Variants in SPIRE1 observed in about 807,000 individuals in gnomAD.
SPIRE1 encodes protein spire homolog 1.
In SPIRE1, 40 loss-of-function variants were observed where a neutral mutation model predicts 94.1. The observed-to-expected ratio is 0.43, with a 90% CI of 0.33 to 0.55. SPIRE1 has a LOEUF of 0.55. Among genes scored for constraint, SPIRE1 ranks in the 20% least tolerant of loss-of-function variants. SPIRE1 has a pLI of 0.06. For synonymous variants in SPIRE1, 376 were observed against 371.7 expected (o/e 1.01, Z -0.13); for missense variants, 838 against 975.2 (o/e 0.86, Z 1.87).
intron 2 of SPIRE1, among the ~76,000 whole-genome samples, chr18:12,617,510 A>C (rs2037346099): frequency 6.6e-6 from 1 of 152,052 alleles, no homozygotes; most frequent in Admixed American, 6.5e-5. Context: ...CCCCGGGTTC[A>C]AGTGATTCTC....
chr18:12,564,421 G>A (rs34737110), intron 2 of SPIRE1, among the ~76,000 whole-genome samples: 9,472 of 152,166 alleles, frequency 0.062, 416 homozygotes, highest in Non-Finnish European at 0.092. Context: ...TAAAACACAT[G>A]TATAAGGCAA....
chr18:12,549,436 G>GTTTTTTTTTTTTTTTTTTTTTTTTTT lies in SPIRE1; in HGVS notation c.373-2533_373-2532insAAAAAAAAAAAAAAAAAAAAAAAAAA, dbSNP rs1345452411. Among the ~76,000 whole-genome samples the GTTTTTTTTTTTTTTTTTTTTTTTTTT allele has an allele frequency of 4.6e-4, 24 of 51,918 alleles. 1 individual carries two copies. The highest frequency in any genetic ancestry group is 8.2e-4 in the Non-Finnish European group (22 of 26,824). 34.1% of individuals were successfully genotyped at this position (51,918 alleles called of 152,430 possible). A position where few individuals can be genotyped will look rare whatever the true frequency, so the allele number is the denominator to read the frequency against. On this transcript the variant is annotated intron_variant, in intron 2 of 16. Coordinates refer to ENST00000409402, the MANE Select transcript of SPIRE1 (RefSeq NM_001128626.2). ...TTGCTTTTTGTTTGTTTTTGTTATTGTTGTTTTTTTTTTTTTTTTTTTTTT... is the reference window on the plus strand; with the variant it reads ...TTGCTTTTTGTTTGTTTTTGTTATTGTTTTTTTTTTTTTTTTTTTTTTTTTTTTGTTTTTTTTTTTTTTTTTTTTTT...
intron 1 of SPIRE1, among the ~76,000 whole-genome samples, chr18:12,648,438 A>T (rs1437790408): frequency 6.6e-6 from 1 of 152,186 alleles, no homozygotes; most frequent in East Asian, 1.9e-4. Context: ...CCATAAAAAT[A>T]CCAGGCAAGT....
In SPIRE1 at chr18:12,559,224, G is replaced by A. The variant is rs1598471428; in HGVS notation, c.373-12320C>T. 6.6e-6 allele frequency among the ~76,000 whole-genome samples: 1 copy of A among 152,146 alleles called. No individual in the cohort carries two copies. The highest frequency in any genetic ancestry group is 2.4e-5 in the African/African-American group (1 of 41,440). ...CGGCATGGCAGGCTGCAGGTCCCGA[G>A]CCCTGCCCCGCAGGGAGGCAGCTGA... On this transcript the variant is annotated intron_variant, in intron 2 of 16. Transcript: ENST00000409402. The surrounding 1 kb of genome is among the most constrained non-coding windows in gnomAD (Gnocchi z 4.7).
intron 2 of SPIRE1, among the ~76,000 whole-genome samples, chr18:12,596,025 C>G (rs1022869163): frequency 2.0e-5 from 3 of 152,186 alleles, no homozygotes; most frequent in Non-Finnish European, 2.9e-5. Flanking sequence ...TACAAGGAGC[C>G]TATTGTAGGA....
At chr18:12,551,825 T>C (rs2035358897) in intron 2 of SPIRE1, among the ~76,000 whole-genome samples, 1 of 152,042 alleles carries the variant, frequency 6.6e-6, no homozygotes, top group Non-Finnish European at 1.5e-5. Flanking sequence ...GGCACCTTCA[T>C]AAGAACCAGA....
At chr18:12,461,460 A>G (rs549188788) in intron 12 of SPIRE1, among the ~76,000 whole-genome samples, 9 of 148,044 alleles carry the variant, frequency 6.1e-5, no homozygotes, top group Admixed American at 6.7e-5. Flanking sequence ...GTGTGTATGT[A>G]TGTACATATG....
intron 3 of SPIRE1, among the ~76,000 whole-genome samples, chr18:12,542,803 A>G (rs2035047664): frequency 6.6e-6 from 1 of 152,088 alleles, no homozygotes; most frequent in Admixed American, 6.6e-5. Context: ...TTTGCTGTTA[A>G]TATTCATTTA....
chr18:12,558,601 C>G (rs2035588869), intron 2 of SPIRE1, among the ~76,000 whole-genome samples: 1 of 152,176 alleles, frequency 6.6e-6, no homozygotes, highest in Admixed American at 6.5e-5. Context: ...GCTGATTAGT[C>G]TGTTTTGACA....
intron 2 of SPIRE1, among the ~76,000 whole-genome samples, chr18:12,563,245 A>T: frequency 6.6e-6 from 1 of 151,906 alleles, no homozygotes. Flanking sequence ...TATGGTGTTG[A>T]TCTATACATT....
chr18:12,645,671 T>G (rs1332397760), intron 1 of SPIRE1, among the ~76,000 whole-genome samples: 1 of 152,232 alleles, frequency 6.6e-6, no homozygotes, highest in African/African-American at 2.4e-5. Context: ...CTGGTGTCTA[T>G]GCCCTCCATT....
intron 6 of SPIRE1, among the ~76,000 whole-genome samples, chr18:12,497,852 C>CCTAAGAG (rs2033515937): frequency 6.6e-6 from 1 of 152,150 alleles, no homozygotes; most frequent in South Asian, 2.1e-4. Flanking sequence ...TTCTTTGTAT[C>CCTAAGAG]CTAAGAGCAG....
intron 9 of SPIRE1, among the ~76,000 whole-genome samples, 180 bp downstream of exon 9, chr18:12,485,779 T>C (rs530682436): frequency 1.3e-5 from 2 of 152,316 alleles, no homozygotes; most frequent in African/African-American, 4.8e-5. Flanking sequence ...ACTGTAGTCT[T>C]GTATCTTTTT....
intron 11 of SPIRE1, among the ~76,000 whole-genome samples, chr18:12,464,051 T>C (rs1172280290): frequency 6.6e-6 from 1 of 152,194 alleles, no homozygotes; most frequent in Non-Finnish European, 1.5e-5. Context: ...TTTTATTTAG[T>C]GCTTCCTCCT....
rs56263373 is a variant in SPIRE1 at position 12,526,056 on chromosome 18, TACACACACAC to T, written c.729+9410_729+9419del. ...CAGTCTAGGGTCAGAATACTGAAGA[TACACACACAC>T]ACACACACACACACACACACACACA... On this transcript the variant is annotated intron_variant, in intron 4 of 16. Transcript: ENST00000409402. Among the ~76,000 whole-genome samples the T allele has an allele frequency of 1.3e-3, 157 of 122,682 alleles. 1 individual carries two copies. The highest frequency in any genetic ancestry group is 8.1e-3 in the Middle Eastern group (2 of 246). 80.5% of individuals were successfully genotyped at this position (122,682 alleles called of 152,430 possible). A position where few individuals can be genotyped will look rare whatever the true frequency, so the allele number is the denominator to read the frequency against.
intron 7 of SPIRE1, among the ~76,000 whole-genome samples, chr18:12,494,958 G>C (rs1598411063): frequency 6.7e-6 from 1 of 149,760 alleles, no homozygotes; most frequent in South Asian, 2.1e-4. Flanking sequence ...GCTGAGGCAG[G>C]AGAATGGCGT....
intron 10 of SPIRE1, among the ~76,000 whole-genome samples, chr18:12,474,032 T>C (rs1179265596): frequency 6.6e-6 from 1 of 152,222 alleles, no homozygotes; most frequent in Non-Finnish European, 1.5e-5. Flanking sequence ...AAAGCATTTA[T>C]TAAAATGTAA....
At chr18:12,619,786 T>A (rs11875489) in intron 2 of SPIRE1, among the ~76,000 whole-genome samples, 1 of 140,588 alleles carries the variant, frequency 7.1e-6, no homozygotes, top group Non-Finnish European at 1.5e-5. Flanking sequence ...GTGGAGATTG[T>A]GGTGAGCCAA....
intron 10 of SPIRE1, among the ~76,000 whole-genome samples, chr18:12,465,533 T>C (rs141766797): frequency 6.6e-6 from 1 of 152,220 alleles, no homozygotes; most frequent in Admixed American, 6.5e-5. Flanking sequence ...ATTGGAAAGA[T>C]GAAATGAGGT....
Sources: gnomAD v4.1 joint callset for allele counts (sites outside exome capture counted in the v4.1 genomes callset) on GRCh38, gnomAD v4.1.1 for gene constraint, Gnocchi (gnomAD v3.1) non-coding constraint, MANE v1.5 for transcripts, NCBI Gene and HGNC (gene_info 2026-07-23, HGNC 2026-07-21) for gene names.